The following RBMS3 variants were observed in gnomAD, a reference collection of about 807,000 sequenced individuals.
The protein encoded by RBMS3 is RNA binding motif single stranded interacting protein 3.
RBMS3 carries 27 observed loss-of-function variants against 66.8 expected under a neutral mutation model. That is an observed-to-expected ratio of 0.40 (90% CI 0.30 to 0.56). The LOEUF (loss-of-function observed/expected upper bound fraction) is 0.56, where lower values mean the gene tolerates loss of function less well. RBMS3 is among the 20% of genes least tolerant of loss of function. RBMS3 has a pLI of 0.40. For synonymous variants in RBMS3, 188 were observed against 183.0 expected (o/e 1.03, Z -0.22); for missense variants, 513 against 549.5 (o/e 0.93, Z 0.66).
At chr3:29,844,666 A>T (rs555661564) in intron 6 of RBMS3, among the ~76,000 whole-genome samples, 1 of 152,376 alleles carries the variant, frequency 6.6e-6, no homozygotes, top group East Asian at 1.9e-4. Flanking sequence ...GATTCAAACA[A>T]TCCAGCATTT....
chr3:29,512,596 C>T (rs1436718350), intron 3 of RBMS3, among the ~76,000 whole-genome samples: 1 of 151,680 alleles, frequency 6.6e-6, no homozygotes, highest in Non-Finnish European at 1.5e-5. Flanking sequence ...ACTTTCTTTT[C>T]ATCAAGAAAC....
intron 4 of RBMS3, among the ~76,000 whole-genome samples, chr3:29,720,282 T>C (rs1453106279): frequency 6.6e-6 from 1 of 152,156 alleles, no homozygotes; most frequent in African/African-American, 2.4e-5. Flanking sequence ...CTATGTAAAT[T>C]GTATCATATG....
chr3:29,780,296 T>A (rs1419819240), intron 6 of RBMS3, among the ~76,000 whole-genome samples: 2 of 146,550 alleles, frequency 1.4e-5, no homozygotes, highest in Non-Finnish European at 3.0e-5. Flanking sequence ...ACTGCTTGAG[T>A]TAAGTTTTAT....
chr3:29,524,415 ATTTTT>A (rs1222102515), intron 3 of RBMS3, among the ~76,000 whole-genome samples: 1 of 57,074 alleles, frequency 1.8e-5, no homozygotes. Flanking sequence ...CTCCCTTTAC[ATTTTT>A]TTTTTTTTTT....
intron 1 of RBMS3, among the ~76,000 whole-genome samples, chr3:29,318,074 C>T (rs1032804084): frequency 6.6e-6 from 1 of 151,714 alleles, no homozygotes; most frequent in Non-Finnish European, 1.5e-5. Flanking sequence ...TCATGTTAAA[C>T]ACTTTTCTAT....
In RBMS3 at chr3:29,868,903, A is replaced by G; in HGVS notation, c.683A>G (p.Lys228Arg). 6.2e-7 allele frequency: 1 copy of G among 1,604,842 alleles called. No homozygotes were observed. The highest frequency in any genetic ancestry group is 2.2e-5 in the East Asian group (1 of 44,770). Residue 228 changes from lysine to arginine, a missense_variant, in exon 7 of 15, where the codon AAG becomes AGG. Coordinates refer to ENST00000383767, the MANE Select transcript of RBMS3 (RefSeq NM_001003793.3). Reference protein sequence around the residue: ...LLCKFADGGQKKRQNQSKYTQ... With the variant: ...LLCKFADGGQRKRQNQSKYTQ... The stretch of plus-strand genomic sequence containing the variant: ...TGCAAATTCGCTGATGGAGGACAAA[A>G]GAAGCGACAGAATCAAAGCAAATAT...
chr3:29,899,695 T>G lies in RBMS3; in HGVS notation c.889-10T>G. The G allele has an allele frequency of 6.2e-7, 1 of 1,608,940 alleles. No individual in the cohort carries two copies. The highest frequency in any genetic ancestry group is 2.2e-5 in the East Asian group (1 of 44,742). On this transcript the variant is annotated splice_polypyrimidine_tract_variant and intron_variant, in intron 9 of 14. Coordinates refer to ENST00000383767, the MANE Select transcript of RBMS3 (RefSeq NM_001003793.3). Reference sequence around the variant, plus strand: ...TTGCTTTGTGCTAATAAATGCTGTTTGATGCATAGGTCCAGAGTACTTCAT... The same window carrying G: ...TTGCTTTGTGCTAATAAATGCTGTTGGATGCATAGGTCCAGAGTACTTCAT...
chr3:29,304,792 C>T (rs903197472), intron 1 of RBMS3, among the ~76,000 whole-genome samples: 5 of 151,920 alleles, frequency 3.3e-5, no homozygotes, highest in Non-Finnish European at 5.9e-5. Context: ...GTCTGGATCC[C>T]CTGCATTGTT....
chr3:29,608,236 T>C (rs947129801), intron 4 of RBMS3, among the ~76,000 whole-genome samples: 4 of 151,954 alleles, frequency 2.6e-5, no homozygotes, highest in South Asian at 2.1e-4. Flanking sequence ...ATCATCCAGA[T>C]TGAGGTATTT....
In RBMS3 at chr3:29,514,264, C is replaced by T. The variant is rs141393835; in HGVS notation, c.307+25765C>T. 4.8e-3 allele frequency among the ~76,000 whole-genome samples: 730 copies of T among 152,130 alleles called. 10 individuals carry two copies. The highest frequency in any genetic ancestry group is 0.017 in the African/African-American group (708 of 41,508). The stretch of plus-strand genomic sequence containing the variant: ...AAAATTTTTAGTACTTCCCTATATT[C>T]GTCTCTGGGGAATTTATGTGGCAGA... On this transcript the variant is annotated intron_variant, in intron 3 of 14. Coordinates refer to ENST00000383767, the MANE Select transcript of RBMS3 (RefSeq NM_001003793.3).
At chr3:29,294,375 G>A (rs556753701) in intron 1 of RBMS3, among the ~76,000 whole-genome samples, 1 of 151,504 alleles carries the variant, frequency 6.6e-6, no homozygotes, top group Admixed American at 6.6e-5. Flanking sequence ...CTTGAGTTGG[G>A]TTACATTCCT....
intron 1 of RBMS3, among the ~76,000 whole-genome samples, chr3:29,357,988 TA>T (rs2037330715): frequency 6.6e-6 from 1 of 152,282 alleles, no homozygotes; most frequent in African/African-American, 2.4e-5. Flanking sequence ...AATTTTCTCC[TA>T]TTCTCTAGGT....
At chr3:29,412,491 A>G (rs1044758531) in intron 1 of RBMS3, among the ~76,000 whole-genome samples, 2 of 152,208 alleles carry the variant, frequency 1.3e-5, no homozygotes, top group South Asian at 4.1e-4. Flanking sequence ...ATAAGGCAAC[A>G]TATACTTATC....
chr3:29,363,939 C>CA (rs374147335), intron 1 of RBMS3, among the ~76,000 whole-genome samples: 7 of 151,614 alleles, frequency 4.6e-5, no homozygotes, highest in African/African-American at 1.7e-4. Context: ...TGAGCAGAAA[C>CA]AGTTACTTTC....
intron 6 of RBMS3, among the ~76,000 whole-genome samples, chr3:29,849,293 A>G (rs942772905): frequency 6.6e-6 from 1 of 151,578 alleles, no homozygotes; most frequent in African/African-American, 2.4e-5. Flanking sequence ...AGGCGGGTGG[A>G]TCATAAGGTC....
chr3:29,839,762 TTTC>T (rs2058617752), intron 6 of RBMS3, among the ~76,000 whole-genome samples: 1 of 151,814 alleles, frequency 6.6e-6, no homozygotes, highest in Admixed American at 6.6e-5. Flanking sequence ...GAGATACAGA[TTTC>T]TTCTTTGTGT....
At chr3:29,767,870 C>T (rs895626577) in intron 6 of RBMS3, among the ~76,000 whole-genome samples, 2 of 151,872 alleles carry the variant, frequency 1.3e-5, no homozygotes, top group South Asian at 4.1e-4. Context: ...CAGAGCTTTG[C>T]GATCTGTGTT....
intron 13 of RBMS3, among the ~76,000 whole-genome samples, chr3:29,989,048 A>G (rs373900529): frequency 1.3e-5 from 2 of 152,312 alleles, no homozygotes; most frequent in African/African-American, 4.8e-5. Context: ...AAGATCTTAG[A>G]TGATTCTAAT....
intron 3 of RBMS3, among the ~76,000 whole-genome samples, chr3:29,564,799 T>A (rs2046684300): frequency 6.6e-6 from 1 of 152,140 alleles, no homozygotes; most frequent in Admixed American, 6.5e-5. Flanking sequence ...CATCCTGCTG[T>A]AATGTGTCAG....
Sources: gnomAD v4.1 joint callset for allele counts (sites outside exome capture counted in the v4.1 genomes callset) on GRCh38, gnomAD v4.1.1 for gene constraint, MANE v1.5 for transcripts, NCBI Gene and HGNC (gene_info 2026-07-23, HGNC 2026-07-21) for gene names.